Variants in FILIP1L observed in about 807,000 individuals in gnomAD.
FILIP1L encodes filamin A-interacting protein 1-like.
In FILIP1L, 55 loss-of-function variants were observed where a neutral mutation model predicts 96.6. The ratio of observed to expected loss-of-function variants is 0.57; its 90% CI spans 0.46 to 0.71. FILIP1L has a LOEUF of 0.71. Among genes scored for constraint, FILIP1L ranks in the 30% least tolerant of loss-of-function variants. The pLI is 0.00. For synonymous variants in FILIP1L, 467 were observed against 473.9 expected, an observed-to-expected ratio of 0.99 and a Z score of 0.19; for missense variants, 1,304 against 1,321.2, an observed-to-expected ratio of 0.99 and a Z score of 0.20.
In FILIP1L at chr3:99,851,030, C is replaced by G. The variant is rs1210087446; in HGVS notation, c.646G>C (p.Glu216Gln). Residue 216 changes from glutamate to glutamine, a missense_variant, in exon 5 of 6, where the codon GAG (glutamate) becomes CAG (glutamine). Coordinates refer to ENST00000477258, the MANE Select transcript of FILIP1L (RefSeq NM_001387850.1). ...LIDQEIKSQE[E>Q]KEQEKEKRVT... ...CTTTTCTCCTTTTCTTGCTCCTTCT[C>G]CTCCTGAGACTTGATTTCTTGATCA... 2.5e-6 allele frequency: 4 copies of G among 1,605,798 alleles called. No homozygotes were observed. Among genetic ancestry groups the G allele is most frequent in the East Asian group, 2.2e-5 (1 of 44,846 alleles).
At chr3:99,876,757 A>C (rs889155454) in intron 4 of FILIP1L, among the ~76,000 whole-genome samples, 11 of 152,108 alleles carry the variant, frequency 7.2e-5, no homozygotes, top group African/African-American at 2.7e-4. Context: ...TGGAAAGGCC[A>C]GATGAAATCT....
At chr3:100,037,961 G>C (rs371591287) in intron 1 of FILIP1L, among the ~76,000 whole-genome samples, 1 of 132,460 alleles carries the variant, frequency 7.5e-6, no homozygotes, top group African/African-American at 2.9e-5. Flanking sequence ...TTTTTTGGGG[G>C]GGGAGGGAAC....
chr3:99,864,400 GTAT>G (rs1410116305), intron 4 of FILIP1L, among the ~76,000 whole-genome samples: 1 of 152,082 alleles, frequency 6.6e-6, no homozygotes. Context: ...TATGAGCTAA[GTAT>G]TATTATTCTC....
At chr3:99,947,541 G>C (rs947812651) in intron 1 of FILIP1L, among the ~76,000 whole-genome samples, 5 of 152,136 alleles carry the variant, frequency 3.3e-5, no homozygotes, top group Admixed American at 6.5e-5. Context: ...GACTTTGTCT[G>C]GACTTCACAA....
At chr3:99,927,679 A>G (rs1362133527) in intron 3 of FILIP1L, among the ~76,000 whole-genome samples, 2 of 152,066 alleles carry the variant, frequency 1.3e-5, no homozygotes, top group Admixed American at 6.5e-5. Context: ...CATATTTTCT[A>G]TAATATATTT....
chr3:99,879,520 C>G (rs1559673523), intron 4 of FILIP1L, among the ~76,000 whole-genome samples: 1 of 152,188 alleles, frequency 6.6e-6, no homozygotes, highest in Non-Finnish European at 1.5e-5. Context: ...TCTTTCATGT[C>G]TTCTCTCCCT....
chr3:100,036,877 C>T (rs116751488), intron 1 of FILIP1L, among the ~76,000 whole-genome samples: 2 of 152,048 alleles, frequency 1.3e-5, no homozygotes, highest in East Asian at 1.9e-4. Context: ...GAGAAAGATA[C>T]GTTATTTCTG....
intron 1 of FILIP1L, among the ~76,000 whole-genome samples, chr3:100,014,187 T>C (rs1340720023): frequency 6.6e-6 from 1 of 150,938 alleles, no homozygotes; most frequent in Admixed American, 6.6e-5. Flanking sequence ...AGTATTACAT[T>C]GTATATGTAT....
Position 99,918,949 on chromosome 3 carries a change from A to G in FILIP1L, c.605+5281T>C, listed in dbSNP as rs1007098873. Among the ~76,000 whole-genome samples the G allele has an allele frequency of 3.9e-5, 6 of 152,372 alleles. No homozygotes were observed. The East Asian group carries it at 1.2e-3, about 29-fold the overall frequency. The stretch of plus-strand genomic sequence containing the variant: ...TATGTAATACAAATAGCTCCTTGCC[A>G]GAAAAACTGAAAGGAAATGATTGCA... On this transcript the variant is annotated intron_variant, in intron 4 of 5. Coordinates refer to ENST00000477258, the MANE Select transcript of FILIP1L (RefSeq NM_001387850.1).
At chr3:99,878,141 G>T (rs1705598208) in intron 4 of FILIP1L, among the ~76,000 whole-genome samples, 1 of 152,150 alleles carries the variant, frequency 6.6e-6, no homozygotes, top group Admixed American at 6.5e-5. Flanking sequence ...CATTACTAAT[G>T]TGTTACTCCT....
intron 4 of FILIP1L, among the ~76,000 whole-genome samples, chr3:99,902,654 A>G (rs1463986650): frequency 6.6e-6 from 1 of 152,200 alleles, no homozygotes; most frequent in African/African-American, 2.4e-5. Context: ...AAAGATTAAC[A>G]AGTCAACAAA....
chr3:100,048,393 G>C (rs924245514), intron 1 of FILIP1L, among the ~76,000 whole-genome samples: 2 of 152,152 alleles, frequency 1.3e-5, no homozygotes, highest in Non-Finnish European at 2.9e-5. Context: ...TGAAGCATTT[G>C]CTTGGGGTGA....
At chr3:99,983,375 A>AAAATAAATAAATAAAT (rs201845792) in intron 1 of FILIP1L, among the ~76,000 whole-genome samples, 1 of 51,254 alleles carries the variant, frequency 2.0e-5, no homozygotes, top group Non-Finnish European at 4.0e-5. Context: ...CTCTACTTAA[A>AAAATAAATAAATAAAT]AAATAAATAA....
intron 4 of FILIP1L, chr3:99,898,125 G>C (rs544249159): frequency 7.9e-5 from 12 of 152,046 alleles, no homozygotes; most frequent in Non-Finnish European, 1.3e-4. Flanking sequence ...AAGCAGGCAG[G>C]CTTGGTTTAA....
At chr3:99,979,061 CT>C (rs1207500399) in intron 1 of FILIP1L, among the ~76,000 whole-genome samples, 1 of 152,090 alleles carries the variant, frequency 6.6e-6, no homozygotes, top group African/African-American at 2.4e-5. Flanking sequence ...TAACAATTTA[CT>C]GTATATTTTC....
chr3:99,847,968 A>G (rs1005598033), intron 5 of FILIP1L: 2 of 1,047,372 alleles, frequency 1.9e-6, no homozygotes, highest in Non-Finnish European at 2.3e-6. Context: ...ATGTTAAAGT[A>G]TTTCACCAAG....
intron 1 of FILIP1L, among the ~76,000 whole-genome samples, chr3:100,110,636 A>G (rs530565455): frequency 1.3e-5 from 2 of 152,182 alleles, no homozygotes; most frequent in Non-Finnish European, 2.9e-5. Context: ...AGACAATACT[A>G]GCTATGTGGC....
At chr3:99,946,043 A>G (rs1707997976) in intron 1 of FILIP1L, among the ~76,000 whole-genome samples, 1 of 152,264 alleles carries the variant, frequency 6.6e-6, no homozygotes, top group Non-Finnish European at 1.5e-5. Flanking sequence ...CAATAAAAAG[A>G]TAAAGTTCTT....
intron 1 of FILIP1L, among the ~76,000 whole-genome samples, chr3:99,970,091 T>G (rs1225753268): frequency 6.6e-6 from 1 of 152,226 alleles, no homozygotes; most frequent in Non-Finnish European, 1.5e-5. Context: ...TATTTTGACA[T>G]ATAAAAATAG....
Sources: gnomAD v4.1 joint callset for allele counts (sites outside exome capture counted in the v4.1 genomes callset) on GRCh38, gnomAD v4.1.1 for gene constraint, MANE v1.5 for transcripts, NCBI Gene and HGNC (gene_info 2026-07-23, HGNC 2026-07-21) for gene names.